COL2A1: variants seen among roughly 807,000 people sequenced by gnomAD.
COL2A1 encodes collagen type II alpha 1 chain.
A neutral mutation model predicts 204.5 loss-of-function variants in COL2A1; 28 were observed. The observed-to-expected ratio is 0.14, with a 90% CI of 0.10 to 0.19. COL2A1 has a LOEUF of 0.19. Among genes scored for constraint, COL2A1 ranks in the 10% least tolerant of loss-of-function variants. The pLI is 1.00. For missense variants in COL2A1, 1,388 were observed against 2,027.5 expected, an observed-to-expected ratio of 0.68 and a Z score of 6.06; for synonymous variants, 708 against 718.7, an observed-to-expected ratio of 0.99 and a Z score of 0.24.
intron 16 of COL2A1, 122 bp from the exon 17 acceptor site, chr12:47,989,927 G>A (rs553452216): frequency 6.6e-6 from 6 of 906,676 alleles, no homozygotes; most frequent in African/African-American, 1.6e-5. Context: ...GGCAGAGCAC[G>A]AGGATGGCGA....
chr12:47,993,017 T>C, intron 15 of COL2A1, 86 bp from the exon 16 acceptor site: 2 of 1,302,036 alleles, frequency 1.5e-6, no homozygotes, highest in Non-Finnish European at 2.2e-6. Context: ...CCTTTGCGGA[T>C]ACCAGAGGAG....
At chr12:47,986,026 A>T in intron 23 of COL2A1, 61 bp from the exon 24 acceptor site, 1 of 1,498,076 alleles carries the variant, frequency 6.7e-7, no homozygotes. Flanking sequence ...GCCAGGCTCC[A>T]GTGGGTCCAT....
rs1939894973 is a variant in COL2A1 at position 47,995,199 on chromosome 12, T to C, written c.762+56A>G. On this transcript the variant is annotated intron_variant, in intron 11 of 53. Transcript: ENST00000380518. ...CCTGTCACTCCCCAAGCACACACCC[T>C]CTCCAGGCCCTTTCAAAGGAGGCAG... 2.7e-6 allele frequency: 4 copies of C among 1,497,884 alleles called. No individual in the cohort carries two copies. The East Asian group carries it at 9.1e-5, about 34-fold the overall frequency. The allele number at this position is 1,497,884 out of a possible 1,614,324, so 92.8% of individuals were successfully genotyped here.
Position 47,976,636 on chromosome 12 carries a change from G to A in COL2A1, c.3436-69C>T. 1.3e-6 allele frequency: 2 copies of A among 1,539,868 alleles called. No homozygotes were observed. Among genetic ancestry groups the A allele is most frequent in the South Asian group, 1.1e-5 (1 of 89,060 alleles). The stretch of plus-strand genomic sequence containing the variant: ...TATCTATCTATATTCTGGGAGCTGG[G>A]GGAACAGCTTTATGTCCCAGCCCCA... On this transcript the variant is annotated intron_variant, in intron 48 of 53. Coordinates refer to ENST00000380518, the MANE Select transcript of COL2A1 (RefSeq NM_001844.5). The surrounding 1 kb of genome is among the most constrained non-coding windows in gnomAD (Gnocchi z 4.3).
At chr12:47,989,634 C>G (rs1939605998) in intron 17 of COL2A1, 127 bp downstream of exon 17, 1 of 841,684 alleles carries the variant, frequency 1.2e-6, no homozygotes, top group Non-Finnish European at 2.1e-6. Context: ...TCTCTTTCCT[C>G]CCCCTTTCCA....
At chr12:47,977,293 G>A (rs200753657) in intron 46 of COL2A1, 27 bp downstream of exon 46, 51 of 1,595,628 alleles carry the variant, frequency 3.2e-5, no homozygotes, top group South Asian at 1.7e-4. Context: ...AGGGGAAGGC[G>A]GCTTTTACTG....
intron 41 of COL2A1, 121 bp downstream of exon 41, chr12:47,979,390 C>CA: frequency 9.6e-7 from 1 of 1,037,706 alleles, no homozygotes; most frequent in Non-Finnish European, 1.5e-6. Context: ...GCTACTCCTC[C>CA]AGGGGGCAGG....
At position 47,973,688 on chromosome 12, in the gene COL2A1, G is replaced by A. The variant is rs906154341; in HGVS notation, c.4318-135C>T. 4.1e-5 allele frequency: 43 copies of A among 1,036,658 alleles called. No homozygotes were observed. In the Admixed American group the frequency reaches 8.0e-4, roughly 19 times the overall value. The allele number at this position is 1,036,658 out of a possible 1,614,324, so 64.2% of individuals were successfully genotyped here. ...GTTGAACCACACTGAGGGGGCTCCT[G>A]AGACCTCTTCTTGGCTTGCCAAAGG... is the stretch of plus-strand genomic sequence containing the variant. On this transcript the variant is annotated intron_variant, in intron 53 of 53. Coordinates refer to ENST00000380518, the MANE Select transcript of COL2A1 (RefSeq NM_001844.5).
rs775923357 is a variant in COL2A1, at chr12:47,973,452, G to A, written c.4419C>T (p.Pro1473=). The A allele has an allele frequency of 3.1e-5, 50 of 1,613,964 alleles. No homozygotes were observed. The African/African-American group carries it at 4.5e-4, about 15-fold the overall frequency. ...CTATGTCCACACCGAATTCCTGCTC[G>A]GGCCCTCCTATGTCCATGGGTGCAA... is the stretch of plus-strand genomic sequence containing the variant. ...IDIAPMDIGG[P]EQEFGVDIGP... Residue 1473 remains proline (P), a synonymous_variant, in exon 54 of 54, where the codon CCC becomes CCT. Transcript: ENST00000380518.
intron 52 of COL2A1, 113 bp from the exon 53 acceptor site, chr12:47,974,444 A>G: frequency 6.9e-7 from 1 of 1,442,720 alleles, no homozygotes; most frequent in Non-Finnish European, 9.5e-7. Flanking sequence ...GTACTGGGGC[A>G]GCAGGGAGCT....
At position 47,977,537 on chromosome 12, in the gene COL2A1, A is replaced by C. The variant is rs1464837271; in HGVS notation, c.3165+63T>G. On this transcript the variant is annotated intron_variant, in intron 45 of 53. Transcript: ENST00000380518. ...TGTTCCAACCTGCCACCCCCAGCTG[A>C]CCTGTCAGGCCCGAGGCAATGTCCT... is the stretch of plus-strand genomic sequence containing the variant. 8 of 1,606,252 alleles carry C rather than the reference A, an allele frequency of 5.0e-6. No homozygotes were observed. In the South Asian group the frequency reaches 7.7e-5, roughly 15 times the overall value.
intron 1 of COL2A1, among the ~76,000 whole-genome samples, 164 bp from the exon 2 acceptor site, chr12:48,000,289 A>T (rs1006302235): frequency 6.6e-6 from 1 of 152,202 alleles, no homozygotes; most frequent in Non-Finnish European, 1.5e-5. Context: ...TATTTTCCTA[A>T]AACATCATTG....
chr12:47,973,310 T>G lies in COL2A1; in HGVS notation c.*97A>C, dbSNP rs576307978. On this transcript the variant is annotated 3_prime_UTR_variant, in exon 54 of 54. Coordinates refer to ENST00000380518, the MANE Select transcript of COL2A1 (RefSeq NM_001844.5). ...TGGGATGAATGGACATCAGGTCAGGTCAGCCATTCAGTGCAGAGTCCTAGA... is the reference window on the plus strand; with the variant it reads ...TGGGATGAATGGACATCAGGTCAGGGCAGCCATTCAGTGCAGAGTCCTAGA... 1 of 1,515,876 alleles carries G rather than the reference T, an allele frequency of 6.6e-7. No homozygotes were observed. The highest frequency in any genetic ancestry group is 1.1e-5 in the South Asian group (1 of 89,086). The allele number at this position is 1,515,876 out of a possible 1,614,324, so 93.9% of individuals were successfully genotyped here. A position where few individuals can be genotyped will look rare whatever the true frequency, so the allele number is the denominator to read the frequency against.
chr12:47,975,677 G>A, intron 50 of COL2A1, 72 bp from the exon 51 acceptor site: 1 of 1,513,290 alleles, frequency 6.6e-7, no homozygotes, highest in Non-Finnish European at 9.0e-7. Context: ...CCATTTGCTA[G>A]AATGTACTAG....
chr12:47,978,510 T>C lies in COL2A1; in HGVS notation c.2895+87A>G. On this transcript the variant is annotated intron_variant, in intron 42 of 53. Coordinates refer to ENST00000380518, the MANE Select transcript of COL2A1 (RefSeq NM_001844.5). The surrounding 1 kb of genome is among the most constrained non-coding windows in gnomAD (Gnocchi z 5.5). ...TCCCTGGCATCCCCACGGCCCCTGCTCCCTCCTACCCCATGCTCTGTGAGC... is the reference window on the plus strand; with the variant it reads ...TCCCTGGCATCCCCACGGCCCCTGCCCCCTCCTACCCCATGCTCTGTGAGC... 6.3e-7 allele frequency: 1 copy of C among 1,587,376 alleles called. No individual in the cohort carries two copies. The highest frequency in any genetic ancestry group is 1.1e-5 in the South Asian group (1 of 88,614).
At chr12:48,001,622 G>C (rs1168077925) in intron 1 of COL2A1, among the ~76,000 whole-genome samples, 2 of 152,212 alleles carry the variant, frequency 1.3e-5, no homozygotes, top group Non-Finnish European at 2.9e-5. Context: ...GGCGGCCCGG[G>C]AAGCGCCGGC....
In COL2A1 at chr12:47,985,591, T is replaced by A. The variant is rs1939350440; in HGVS notation, c.1681-4A>T. 6.2e-7 allele frequency: 1 copy of A among 1,613,812 alleles called. No homozygotes were observed. The highest frequency in any genetic ancestry group is 1.3e-5 in the African/African-American group (1 of 74,882). ...CACCAGGGCGGCCAGTGAGACCCTTTGTTCAGGAGAGAGAAGAGGGTGGGG... is the reference window on the plus strand; with the variant it reads ...CACCAGGGCGGCCAGTGAGACCCTTAGTTCAGGAGAGAGAAGAGGGTGGGG... On this transcript the variant is annotated splice_polypyrimidine_tract_variant and splice_region_variant and intron_variant, in intron 25 of 53. Coordinates refer to ENST00000380518, the MANE Select transcript of COL2A1 (RefSeq NM_001844.5).
Position 47,987,486 on chromosome 12 carries a change from C to T in COL2A1, c.1221+125G>A. On this transcript the variant is annotated intron_variant, in intron 19 of 53. Transcript: ENST00000380518. This position sits in a 1 kb window ranked among gnomAD's most constrained non-coding sequence, Gnocchi z 4.1. ...AAGGGAATACATCTAGAGGTGGGGA[C>T]AGGCATTGGGCCAGAATGAAGGTTT... The T allele has an allele frequency of 9.5e-7, 1 of 1,048,636 alleles. No individual in the cohort carries two copies. The highest frequency in any genetic ancestry group is 1.4e-6 in the Non-Finnish European group (1 of 690,854). 65.0% of individuals were successfully genotyped at this position (1,048,636 alleles called of 1,614,324 possible).
intron 18 of COL2A1, 64 bp downstream of exon 18, chr12:47,989,164 G>T: frequency 7.2e-7 from 1 of 1,391,676 alleles, no homozygotes; most frequent in Non-Finnish European, 1.0e-6. Context: ...AATGAGCAAG[G>T]GTTACGGGGA....
Sources: allele counts gnomAD v4.1 joint callset (sites outside exome capture counted in the v4.1 genomes callset), GRCh38; gene constraint gnomAD v4.1.1; non-coding constraint Gnocchi (gnomAD v3.1); transcripts MANE v1.5; gene names NCBI Gene and HGNC (gene_info 2026-07-23, HGNC 2026-07-21).